INPP5F: variants seen among roughly 807,000 people sequenced by gnomAD.
INPP5F encodes the protein phosphatidylinositide 4-phosphatase SAC2.
Under a neutral mutation model 137.2 loss-of-function variants are expected in INPP5F, and 97 were observed. That is an observed-to-expected ratio of 0.71 (90% CI 0.60 to 0.84). The LOEUF is 0.84. INPP5F is among the 40% of genes least tolerant of loss of function. The probability of loss-of-function intolerance (pLI) is 0.00; values close to 1 mark genes in which losing one functional copy is unlikely to be tolerated. For synonymous variants in INPP5F, 504 were observed against 476.9 expected, an observed-to-expected ratio of 1.06 and a Z score of -0.74; for missense variants, 1,271 against 1,371.9, an observed-to-expected ratio of 0.93 and a Z score of 1.16.
At chr10:119,795,407 G>A (rs536139618) in intron 6 of INPP5F, among the ~76,000 whole-genome samples, 2 of 150,864 alleles carry the variant, frequency 1.3e-5, no homozygotes, top group African/African-American at 4.9e-5. Context: ...CAGATGGGGC[G>A]GCCGGGCAGA....
At chr10:119,771,843 GAGATAT>G (rs1383874551) in intron 2 of INPP5F, among the ~76,000 whole-genome samples, 4 of 40,868 alleles carry the variant, frequency 9.8e-5, no homozygotes, top group Non-Finnish European at 1.8e-4. Flanking sequence ...ATAAAGTATG[GAGATAT>G]ATATATATAT....
chr10:119,758,232 T>C (rs933329302), intron 2 of INPP5F, among the ~76,000 whole-genome samples: 2 of 152,204 alleles, frequency 1.3e-5, no homozygotes, highest in African/African-American at 4.8e-5. Flanking sequence ...GAGCTGGTGC[T>C]CCTGGATGGA....
chr10:119,733,241 AGTTT>A (rs1216089474), intron 1 of INPP5F, among the ~76,000 whole-genome samples: 6 of 152,306 alleles, frequency 3.9e-5, no homozygotes, highest in Admixed American at 1.3e-4. Context: ...TGTGATAACT[AGTTT>A]GTTTGTTGAT....
rs1044047244 is a variant in INPP5F at position 119,827,914 on chromosome 10, C to T, written c.*134C>T. 10 of 715,514 alleles carry T rather than the reference C, an allele frequency of 1.4e-5. No homozygotes were observed. Among genetic ancestry groups the T allele is most frequent in the South Asian group, 5.7e-5 (3 of 52,562 alleles). The allele number at this position is 715,514 out of a possible 1,614,324, so 44.3% of individuals were successfully genotyped here. A position where few individuals can be genotyped will look rare whatever the true frequency, so the allele number is the denominator to read the frequency against. On this transcript the variant is annotated 3_prime_UTR_variant, in exon 20 of 20. Coordinates refer to ENST00000650623, the MANE Select transcript of INPP5F (RefSeq NM_014937.4). ...CATTGGAAAGGGTTTTAAACGGAGT[C>T]GGAACCTGAGTAGATTTCCAAATTT...
chr10:119,761,833 AAATTGGAGCAT>A (rs1849018884), intron 2 of INPP5F, among the ~76,000 whole-genome samples: 3 of 152,310 alleles, frequency 2.0e-5, no homozygotes, highest in Middle Eastern at 3.4e-3. Context: ...TTTGTAAATA[AAATTGGAGCAT>A]AATTGGAGCA....
At chr10:119,777,664 G>C (rs1849572010) in intron 2 of INPP5F, among the ~76,000 whole-genome samples, 1 of 152,144 alleles carries the variant, frequency 6.6e-6, no homozygotes, top group African/African-American at 2.4e-5. Flanking sequence ...TTTTTAAGAA[G>C]ATTTACATGT....
chr10:119,726,707 T>C (rs1847903807), intron 1 of INPP5F, among the ~76,000 whole-genome samples: 1 of 152,194 alleles, frequency 6.6e-6, no homozygotes, highest in South Asian at 2.1e-4. Flanking sequence ...AAAGGCCTCT[T>C]CCTCCTTGGA....
chr10:119,743,658 G>GT (rs1464162920), intron 1 of INPP5F, among the ~76,000 whole-genome samples: 56 of 133,370 alleles, frequency 4.2e-4, no homozygotes, highest in African/African-American at 1.5e-3. Flanking sequence ...GGGGCGGGGG[G>GT]CGGGGGGGGG....
intron 2 of INPP5F, among the ~76,000 whole-genome samples, chr10:119,754,962 T>G (rs1208689000): frequency 2.0e-5 from 3 of 152,212 alleles, no homozygotes. Context: ...GGGAATAAAA[T>G]GTCTATACTG....
chr10:119,760,135 G>A (rs1208603159), intron 2 of INPP5F, among the ~76,000 whole-genome samples: 7 of 152,232 alleles, frequency 4.6e-5, no homozygotes, highest in Non-Finnish European at 8.8e-5. Flanking sequence ...CAGGCAGAGA[G>A]ATACTTGAGA....
At chr10:119,777,109 GT>G (rs1849549643) in intron 2 of INPP5F, among the ~76,000 whole-genome samples, 1 of 152,078 alleles carries the variant, frequency 6.6e-6, no homozygotes, top group Admixed American at 6.5e-5. Context: ...TTGCCAGGCT[GT>G]TTTTGAACTC....
At chr10:119,825,886 A>G (rs561032176) in intron 19 of INPP5F, 9 of 398,296 alleles carry the variant, frequency 2.3e-5, no homozygotes, top group East Asian at 3.6e-5. Flanking sequence ...GCATGATCCA[A>G]CAGTACAAAT....
At chr10:119,731,653 G>A (rs558176628) in intron 1 of INPP5F, among the ~76,000 whole-genome samples, 1 of 152,268 alleles carries the variant, frequency 6.6e-6, no homozygotes, top group Admixed American at 6.5e-5. Flanking sequence ...AACAGAGTGA[G>A]ACTGTCTCAG....
At chr10:119,803,767 TC>T (rs2134238532) in intron 9 of INPP5F, among the ~76,000 whole-genome samples, 1 of 152,330 alleles carries the variant, frequency 6.6e-6, no homozygotes, top group African/African-American at 2.4e-5. Flanking sequence ...TTCTGTTAAT[TC>T]AGGTTTTCTA....
chr10:119,821,672 AGTTT>A (rs766270854), intron 16 of INPP5F, among the ~76,000 whole-genome samples: 8 of 151,710 alleles, frequency 5.3e-5, no homozygotes, highest in Admixed American at 1.3e-4. Context: ...CCAAATACAT[AGTTT>A]GTTTCTCTTT....
intron 3 of INPP5F, among the ~76,000 whole-genome samples, chr10:119,782,999 G>A (rs1200731538): frequency 6.6e-6 from 1 of 152,170 alleles, no homozygotes; most frequent in Non-Finnish European, 1.5e-5. Context: ...GAAACAAAAT[G>A]AATTTAAGTG....
chr10:119,769,943 TTCTC>T (rs1327894863), intron 2 of INPP5F, among the ~76,000 whole-genome samples: 1 of 151,418 alleles, frequency 6.6e-6, no homozygotes, highest in Non-Finnish European at 1.5e-5. Flanking sequence ...TTAGTTCTGT[TTCTC>T]TAGAGAACCG....
At chr10:119,750,771 C>T (rs977325697) in intron 1 of INPP5F, among the ~76,000 whole-genome samples, 4 of 152,158 alleles carry the variant, frequency 2.6e-5, no homozygotes, top group Admixed American at 2.6e-4. Context: ...TCCGTTTGTC[C>T]TCTTGTAGTG....
rs571004698 is a variant in INPP5F, at chr10:119,810,421, A to G, written c.1687+204A>G. The stretch of plus-strand genomic sequence containing the variant: ...TTTGGCTGGAGCAACAAAAGAAACC[A>G]TCTATTTTCCATGCATATTTGTCAG... On this transcript the variant is annotated intron_variant, in intron 14 of 19. Transcript: ENST00000650623. 3.3e-5 allele frequency among the ~76,000 whole-genome samples: 5 copies of G among 152,336 alleles called. No homozygotes were observed. In the East Asian group the frequency reaches 7.7e-4, roughly 23 times the overall value.
Sources: allele counts gnomAD v4.1 joint callset (sites outside exome capture counted in the v4.1 genomes callset), GRCh38; gene constraint gnomAD v4.1.1; transcripts MANE v1.5; gene names NCBI Gene and HGNC (gene_info 2026-07-23, HGNC 2026-07-21).